The following TRIM67 variants were observed in gnomAD, a reference collection of about 807,000 sequenced individuals.
TRIM67 encodes tripartite motif containing 67, also known as tripartite motif-containing protein 67.
A neutral mutation model predicts 71.0 loss-of-function variants in TRIM67; 39 were observed. The observed-to-expected ratio is 0.55, with a 90% confidence interval of 0.43 to 0.72. TRIM67 has a LOEUF of 0.72. TRIM67 is among the 30% of genes least tolerant of loss of function. The pLI is 0.00. For missense variants in TRIM67, 973 were observed against 1,079.2 expected (o/e 0.90, Z 1.38); for synonymous variants, 481 against 473.9 (o/e 1.01, Z -0.19).
At chr1:231,177,044 G>C (rs1299666810) in intron 1 of TRIM67, among the ~76,000 whole-genome samples, 1 of 152,156 alleles carries the variant, frequency 6.6e-6, no homozygotes, top group Non-Finnish European at 1.5e-5. Flanking sequence ...GAAAAGGGCA[G>C]GGATATGGAC....
intron 1 of TRIM67, among the ~76,000 whole-genome samples, chr1:231,170,166 A>G (rs1682587853): frequency 1.3e-5 from 2 of 151,962 alleles, no homozygotes; most frequent in South Asian, 4.2e-4. Context: ...TTTTATTTTT[A>G]GTAGAGATGG....
chr1:231,216,946 G>A lies in TRIM67; in HGVS notation c.*1506G>A. 4.1e-6 allele frequency: 4 copies of A among 985,722 alleles called. No individual in the cohort carries two copies. The highest frequency in any genetic ancestry group is 4.8e-6 in the Non-Finnish European group (4 of 829,948). The allele number at this position is 985,722 out of a possible 1,614,324, so 61.1% of individuals were successfully genotyped here. On this transcript the variant is annotated 3_prime_UTR_variant, in exon 10 of 10. Transcript: ENST00000366653. ...TTTTAAAAAGAATATATTTTGTCAA[G>A]CATTTTATTTCTGAGGCTGAGAAGT...
rs1434190991 is a variant in TRIM67 at position 231,163,044 on chromosome 1, T to C, written c.75T>C (p.Asn25=). Residue 25 remains asparagine (N), a synonymous_variant, in exon 1 of 10, where the codon AAT becomes AAC. Transcript: ENST00000366653. ...REPIILPCSH[N]VCLPCARTIA... ...CTATCATCCTGCCCTGTTCCCACAA[T>C]GTCTGCCTGCCTTGCGCTCGCACCA... The C allele has an allele frequency of 1.2e-6, 2 of 1,611,636 alleles. No homozygotes were observed. Among genetic ancestry groups the C allele is most frequent in the Non-Finnish European group, 1.7e-6 (2 of 1,178,920 alleles).
intron 5 of TRIM67, among the ~76,000 whole-genome samples, chr1:231,202,353 G>A (rs1683578575): frequency 6.6e-6 from 1 of 151,866 alleles, no homozygotes; most frequent in African/African-American, 2.4e-5. Flanking sequence ...TCTAGGCGAA[G>A]AGTTTTGCAG....
intron 1 of TRIM67, among the ~76,000 whole-genome samples, chr1:231,175,893 A>G (rs1682734838): frequency 6.6e-6 from 1 of 152,140 alleles, no homozygotes; most frequent in Non-Finnish European, 1.5e-5. Context: ...CTGGTTTGCA[A>G]AATATCTTCT....
intron 2 of TRIM67, among the ~76,000 whole-genome samples, chr1:231,198,394 C>CTT (rs60581267): frequency 1.3e-5 from 2 of 149,172 alleles, no homozygotes; most frequent in South Asian, 2.1e-4. Context: ...GGACTGAATT[C>CTT]TTTTTTTTTT....
At chr1:231,184,648 G>T in intron 1 of TRIM67, 1 of 226,584 alleles carries the variant, frequency 4.4e-6, no homozygotes, top group Middle Eastern at 1.6e-3. Flanking sequence ...ACTTCTCAAA[G>T]CAAAATTGGG....
intron 1 of TRIM67, among the ~76,000 whole-genome samples, chr1:231,193,656 G>A (rs1163547391): frequency 6.6e-6 from 1 of 152,006 alleles, no homozygotes; most frequent in Non-Finnish European, 1.5e-5. Context: ...GGTTTATGGG[G>A]CTCATGATTC....
At position 231,162,999 on chromosome 1, in the gene TRIM67, CGG is replaced by C; in HGVS notation, c.31_32del (p.Gly11LeufsTer31). On this transcript the variant is annotated frameshift_variant, in exon 1 of 10. Transcript: ENST00000366653. LOFTEE classifies it high-confidence loss of function. MEEELKCPVCGSLFREPIILP... is the reference protein window; with the variant it reads MEEELKCPVCXSLFREPIILP... ...AGGAAGAGCTGAAGTGTCCCGTGTG[CGG>C]CTCTCTGTTTCGGGAGCCTATCATC... 1 of 1,612,520 alleles carries C rather than the reference CGG, an allele frequency of 6.2e-7. No homozygotes were observed. The highest frequency in any genetic ancestry group is 8.5e-7 in the Non-Finnish European group (1 of 1,179,342).
intron 7 of TRIM67, among the ~76,000 whole-genome samples, chr1:231,207,559 C>CTAG (rs1344896921): frequency 6.6e-6 from 1 of 152,184 alleles, no homozygotes; most frequent in Non-Finnish European, 1.5e-5. Flanking sequence ...CCACTGCCTC[C>CTAG]AAGAAGAGGG....
At chr1:231,172,202 C>T (rs1335456826) in intron 1 of TRIM67, among the ~76,000 whole-genome samples, 1 of 152,152 alleles carries the variant, frequency 6.6e-6, no homozygotes, top group Non-Finnish European at 1.5e-5. Flanking sequence ...TGAACAAAAA[C>T]AGATGCCTAT....
At chr1:231,194,833 C>T (rs1040096578) in intron 1 of TRIM67, among the ~76,000 whole-genome samples, 1 of 152,148 alleles carries the variant, frequency 6.6e-6, no homozygotes, top group Non-Finnish European at 1.5e-5. Flanking sequence ...CAAGCACACA[C>T]CACCATGCCC....
At chr1:231,171,341 G>C (rs1682612638) in intron 1 of TRIM67, among the ~76,000 whole-genome samples, 1 of 152,192 alleles carries the variant, frequency 6.6e-6, no homozygotes, top group Non-Finnish European at 1.5e-5. Context: ...GAGCAGAGGG[G>C]CCTGAGGAGA....
rs1684037259 is a variant in TRIM67, at chr1:231,217,256, T to A, written c.*1816T>A. 1 of 985,924 alleles carries A rather than the reference T, an allele frequency of 1.0e-6. No homozygotes were observed. Among genetic ancestry groups the A allele is most frequent in the Non-Finnish European group, 1.2e-6 (1 of 830,106 alleles). The allele number at this position is 985,924 out of a possible 1,614,324, so 61.1% of individuals were successfully genotyped here. ...AGCTGCTCGGTGCTGTGTTGCAGTCTCTGCTGCGGAGCCTGGGAGCTATCT... is the reference window on the plus strand; with the variant it reads ...AGCTGCTCGGTGCTGTGTTGCAGTCACTGCTGCGGAGCCTGGGAGCTATCT... On this transcript the variant is annotated 3_prime_UTR_variant, in exon 10 of 10. Coordinates refer to ENST00000366653, the MANE Select transcript of TRIM67 (RefSeq NM_001004342.5).
chr1:231,192,693 A>T, intron 1 of TRIM67, among the ~76,000 whole-genome samples: 1 of 152,218 alleles, frequency 6.6e-6, no homozygotes, highest in East Asian at 1.9e-4. Context: ...CACACTGCCC[A>T]TTTTGGCTCT....
intron 6 of TRIM67, 22 bp from the exon 7 acceptor site, chr1:231,206,630 G>C: frequency 6.4e-7 from 1 of 1,555,538 alleles, no homozygotes; most frequent in Non-Finnish European, 8.7e-7. Context: ...GGAGCCTGGT[G>C]AGCAGCATTG....
Position 231,209,938 on chromosome 1 carries a change from CT to C in TRIM67, c.2123+689del, listed in dbSNP as rs1260705863. ...GGGGATGGGTCCTCCAGGGCTGCCC[CT>C]GAGGCCTGGGCTTCTCTAGGGTGCC... On this transcript the variant is annotated intron_variant, in intron 8 of 9. Coordinates refer to ENST00000366653, the MANE Select transcript of TRIM67 (RefSeq NM_001004342.5). This position sits in a 1 kb window ranked among gnomAD's most constrained non-coding sequence, Gnocchi z 4.1. Among the ~76,000 whole-genome samples, 1 of 152,156 alleles carries C rather than the reference CT, an allele frequency of 6.6e-6. No individual in the cohort carries two copies. Among genetic ancestry groups the C allele is most frequent in the Admixed American group, 6.5e-5 (1 of 15,284 alleles).
Position 231,216,959 on chromosome 1 carries a change from G to A in TRIM67, c.*1519G>A, listed in dbSNP as rs567625038. On this transcript the variant is annotated 3_prime_UTR_variant, in exon 10 of 10. Coordinates refer to ENST00000366653, the MANE Select transcript of TRIM67 (RefSeq NM_001004342.5). ...ATATTTTGTCAAGCATTTTATTTCT[G>A]AGGCTGAGAAGTGACTTGTCAATTT... 2 of 985,772 alleles carry A rather than the reference G, an allele frequency of 2.0e-6. No homozygotes were observed. Among genetic ancestry groups the A allele is most frequent in the South Asian group, 9.4e-5 (2 of 21,280 alleles). The allele number at this position is 985,772 out of a possible 1,614,324, so 61.1% of individuals were successfully genotyped here.
intron 1 of TRIM67, among the ~76,000 whole-genome samples, chr1:231,164,770 C>G (rs1363879487): frequency 6.6e-6 from 1 of 152,008 alleles, no homozygotes; most frequent in African/African-American, 2.4e-5. Context: ...AGTAATTGGC[C>G]AAGGCTATCC....
Sources: allele counts gnomAD v4.1 joint callset (sites outside exome capture counted in the v4.1 genomes callset), GRCh38; gene constraint gnomAD v4.1.1; non-coding constraint Gnocchi (gnomAD v3.1); transcripts MANE v1.5; gene names NCBI Gene and HGNC (gene_info 2026-07-23, HGNC 2026-07-21).